Variants in CSMD1 observed in about 807,000 individuals in gnomAD.
CSMD1 encodes the protein CUB and sushi domain-containing protein 1.
In CSMD1, 213 loss-of-function variants were observed where a neutral mutation model predicts 417.5. The ratio of observed to expected loss-of-function variants is 0.51; its 90% CI spans 0.46 to 0.57. The LOEUF (loss-of-function observed/expected upper bound fraction) is 0.57, where lower values mean the gene tolerates loss of function less well. Ranked by LOEUF, CSMD1 falls within the 20% of genes least tolerant of loss-of-function variation. The probability of loss-of-function intolerance (pLI) is 0.00; values close to 1 mark genes in which losing one functional copy is unlikely to be tolerated. For missense variants in CSMD1, 6,923 were observed against 4,529.7 expected, an observed-to-expected ratio of 1.53 and a Z score of -15.17; for synonymous variants, 2,862 against 1,736.8, an observed-to-expected ratio of 1.65 and a Z score of -16.11.
intron 52 of CSMD1, among the ~76,000 whole-genome samples, chr8:3,011,982 G>C (rs926866996): frequency 1.4e-4 from 22 of 152,216 alleles, no homozygotes; most frequent in African/African-American, 5.3e-4. Flanking sequence ...AGCATTCTCA[G>C]TGCTTAATTC....
At chr8:4,529,891 T>A (rs1003638060) in intron 2 of CSMD1, among the ~76,000 whole-genome samples, 8 of 104,762 alleles carry the variant, frequency 7.6e-5, no homozygotes, top group East Asian at 3.3e-4. Flanking sequence ...TTTTTAAATT[T>A]ATTTAATTTT....
chr8:4,034,882 A>T (rs954202636), intron 3 of CSMD1, among the ~76,000 whole-genome samples: 1 of 152,216 alleles, frequency 6.6e-6, no homozygotes, highest in African/African-American at 2.4e-5. Flanking sequence ...AAATCTATCA[A>T]ATAAATCTGC....
chr8:3,428,229 A>C (rs79322383), intron 12 of CSMD1, among the ~76,000 whole-genome samples: 1,922 of 152,266 alleles, frequency 0.013, 48 homozygotes, highest in East Asian at 0.099. Context: ...CTTGACTGTT[A>C]AACACTCGAG....
At position 3,261,341 on chromosome 8, in the gene CSMD1, A is replaced by T. The variant is rs539835568; in HGVS notation, c.4153+22803T>A. 7.7e-4 allele frequency among the ~76,000 whole-genome samples: 117 copies of T among 152,298 alleles called. 1 individual carries two copies. The highest frequency in any genetic ancestry group is 3.4e-3 in the Middle Eastern group (1 of 294). On this transcript the variant is annotated intron_variant, in intron 26 of 69. Transcript: ENST00000635120. ...GCAAAACATTCAATTCTGCAATTGC[A>T]TTCTTGGGCATTTATCTCAGAGAAA...
chr8:3,393,018 C>A (rs559189849), intron 17 of CSMD1, among the ~76,000 whole-genome samples: 16 of 152,272 alleles, frequency 1.1e-4, no homozygotes, highest in Admixed American at 2.6e-4. Context: ...AAAGCCATGT[C>A]CTGAACCTCA....
chr8:3,582,010 G>C (rs948619688), intron 9 of CSMD1, among the ~76,000 whole-genome samples: 1 of 152,112 alleles, frequency 6.6e-6, no homozygotes, highest in Non-Finnish European at 1.5e-5. Context: ...GGCCAGGTTG[G>C]TCTTGAACTC....
At chr8:3,062,344 T>C (rs142267565) in intron 49 of CSMD1, among the ~76,000 whole-genome samples, 117 of 152,248 alleles carry the variant, frequency 7.7e-4, no homozygotes, top group Non-Finnish European at 1.3e-3. Flanking sequence ...CCCACGGGGA[T>C]AGAACTGGTC....
rs188740272 is a variant in CSMD1 at position 4,506,259 on chromosome 8, T to G, written c.303-86194A>C. On this transcript the variant is annotated intron_variant, in intron 2 of 69. Coordinates refer to ENST00000635120, the MANE Select transcript of CSMD1 (RefSeq NM_033225.6). ...GCTATTGGAGCACCTCACTAATGTG[T>G]TCCAGGAACAGACGGATTCATGGAA... Among the ~76,000 whole-genome samples the G allele has an allele frequency of 1.1e-4, 17 of 152,154 alleles. No individual in the cohort carries two copies. The East Asian group carries it at 3.3e-3, about 29-fold the overall frequency.
chr8:4,488,654 G>T (rs1334555571), intron 2 of CSMD1, among the ~76,000 whole-genome samples: 1 of 151,280 alleles, frequency 6.6e-6, no homozygotes, highest in Non-Finnish European at 1.5e-5. Context: ...CTCTAAAAAG[G>T]AACACCAAAG....
At chr8:3,200,207 T>C (rs943481839) in intron 32 of CSMD1, among the ~76,000 whole-genome samples, 4 of 152,110 alleles carry the variant, frequency 2.6e-5, no homozygotes, top group Non-Finnish European at 5.9e-5. Flanking sequence ...AAGATGATTT[T>C]TTTTAAATTA....
rs1258029322 is a variant in CSMD1, at chr8:3,795,126, T to A, written c.819-41084A>T. Among the ~76,000 whole-genome samples the A allele has an allele frequency of 2.6e-5, 2 of 76,854 alleles. 1 individual carries two copies. The highest frequency in any genetic ancestry group is 5.6e-5 in the Non-Finnish European group (2 of 35,524). The allele number at this position is 76,854 out of a possible 152,430, so 50.4% of individuals were successfully genotyped here. ...CATGTACAGCTATAGATATCTATCA[T>A]GTACAGCTATAGATATCTATCATGT... On this transcript the variant is annotated intron_variant, in intron 5 of 69. Transcript: ENST00000635120.
At chr8:4,451,975 T>C (rs1048059890) in intron 2 of CSMD1, among the ~76,000 whole-genome samples, 2 of 149,116 alleles carry the variant, frequency 1.3e-5, no homozygotes, top group African/African-American at 4.9e-5. Context: ...TATAATTTGA[T>C]ATACATATAG....
chr8:3,675,997 G>C (rs1011888268), intron 7 of CSMD1, among the ~76,000 whole-genome samples: 2 of 152,114 alleles, frequency 1.3e-5, no homozygotes, highest in African/African-American at 2.4e-5. Flanking sequence ...CTCTGTAATA[G>C]TTTACTGGTT....
At position 4,137,586 on chromosome 8, in the gene CSMD1, T is replaced by C. The variant is rs1803514476; in HGVS notation, c.416-105487A>G. On this transcript the variant is annotated intron_variant, in intron 3 of 69. Transcript: ENST00000635120. ...TTACAAGATTTGATGTTAATGGAAC[T>C]GGTTGGTTTGTAAGATACAAAAAAG... 1.5e-5 allele frequency among the ~76,000 whole-genome samples: 2 copies of C among 131,866 alleles called. 1 individual carries two copies. Among genetic ancestry groups the C allele is most frequent in the Non-Finnish European group, 3.5e-5 (2 of 56,746 alleles). The allele number at this position is 131,866 out of a possible 152,430, so 86.5% of individuals were successfully genotyped here. A position where few individuals can be genotyped will look rare whatever the true frequency, so the allele number is the denominator to read the frequency against.
chr8:2,943,195 A>G (rs1554467822), intron 68 of CSMD1, among the ~76,000 whole-genome samples: 1 of 152,146 alleles, frequency 6.6e-6, no homozygotes, highest in Non-Finnish European at 1.5e-5. Flanking sequence ...AAATAATGCT[A>G]AAATGTAACT....
intron 3 of CSMD1, among the ~76,000 whole-genome samples, chr8:4,395,308 T>C (rs1804126410): frequency 1.3e-5 from 2 of 152,210 alleles, no homozygotes; most frequent in South Asian, 4.1e-4. Context: ...TCTTCATAAC[T>C]TCAGCCCCTT....
chr8:4,161,259 G>C (rs1475016588), intron 3 of CSMD1, among the ~76,000 whole-genome samples: 4 of 152,128 alleles, frequency 2.6e-5, no homozygotes, highest in African/African-American at 4.8e-5. Context: ...ATTTACATGT[G>C]AGCCTTAGAA....
intron 4 of CSMD1, among the ~76,000 whole-genome samples, chr8:4,022,096 C>CATAT (rs57821821): frequency 6.9e-5 from 10 of 145,210 alleles, no homozygotes; most frequent in East Asian, 4.0e-4. Flanking sequence ...CACACACACA[C>CATAT]ATATATATAT....
chr8:3,685,002 G>A (rs2129030392), intron 7 of CSMD1, among the ~76,000 whole-genome samples: 1 of 152,178 alleles, frequency 6.6e-6, no homozygotes, highest in African/African-American at 2.4e-5. Flanking sequence ...AATATTTTTG[G>A]ACTGAAGTGA....
Sources: gnomAD v4.1 joint callset for allele counts (sites outside exome capture counted in the v4.1 genomes callset) on GRCh38, gnomAD v4.1.1 for gene constraint, MANE v1.5 for transcripts, NCBI Gene and HGNC (gene_info 2026-07-23, HGNC 2026-07-21) for gene names.